The following ADARB2 variants were observed in gnomAD, a reference collection of about 807,000 sequenced individuals.
ADARB2 encodes the protein adenosine deaminase RNA specific B2 (inactive).
A neutral mutation model predicts 62.2 loss-of-function variants in ADARB2; 25 were observed. The observed-to-expected ratio is 0.40, with a 90% CI of 0.29 to 0.56. The LOEUF is 0.56. Ranked by LOEUF, ADARB2 falls within the 20% of genes least tolerant of loss-of-function variation. The probability of loss-of-function intolerance (pLI) is 0.43; values close to 1 mark genes in which losing one functional copy is unlikely to be tolerated. For synonymous variants in ADARB2, 572 were observed against 500.8 expected, an observed-to-expected ratio of 1.14 and a Z score of -1.90; for missense variants, 1,071 against 1,077.4, an observed-to-expected ratio of 0.99 and a Z score of 0.08.
chr10:1,469,063 G>A (rs1831290931), intron 1 of ADARB2, among the ~76,000 whole-genome samples: 1 of 152,152 alleles, frequency 6.6e-6, no homozygotes, highest in South Asian at 2.1e-4. Flanking sequence ...TGTTCAGATT[G>A]CCCTCTAGGA....
intron 1 of ADARB2, among the ~76,000 whole-genome samples, chr10:1,614,884 A>C (rs1040612976): frequency 1.6e-4 from 24 of 150,968 alleles, no homozygotes; most frequent in African/African-American, 5.1e-4. Context: ...GCACTCCAGT[A>C]TGGGTGACAG....
intron 1 of ADARB2, among the ~76,000 whole-genome samples, chr10:1,693,437 T>C (rs2119129104): frequency 6.6e-6 from 1 of 152,372 alleles, no homozygotes; most frequent in Non-Finnish European, 1.5e-5. Context: ...CTCTCGTTTT[T>C]GTCATCGTCC....
At chr10:1,356,716 C>G (rs186260366) in intron 3 of ADARB2, among the ~76,000 whole-genome samples, 7 of 152,316 alleles carry the variant, frequency 4.6e-5, no homozygotes, top group Admixed American at 6.5e-5. Context: ...ATGGCACACA[C>G]TGTTCTTCAA....
intron 6 of ADARB2, among the ~76,000 whole-genome samples, chr10:1,227,933 A>G (rs115635247): frequency 0.018 from 2,676 of 151,908 alleles, 34 homozygotes; most frequent in Middle Eastern, 0.05. Context: ...TATTTGATTG[A>G]TGATGATGAT....
chr10:1,462,601 ATGTG>A (rs1387416885), intron 1 of ADARB2, among the ~76,000 whole-genome samples: 5 of 145,488 alleles, frequency 3.4e-5, no homozygotes, highest in Non-Finnish European at 6.0e-5. Context: ...GTGTATGTGC[ATGTG>A]TGTATGTGCC....
At chr10:1,510,138 T>TTCTTTCTC (rs1831914295) in intron 1 of ADARB2, among the ~76,000 whole-genome samples, 1 of 143,636 alleles carries the variant, frequency 7.0e-6, no homozygotes, top group Admixed American at 7.1e-5. Context: ...CTTTCTTTCT[T>TTCTTTCTC]TCTTTCTTTC....
intron 1 of ADARB2, among the ~76,000 whole-genome samples, chr10:1,657,445 C>G (rs1834186177): frequency 6.6e-6 from 1 of 152,218 alleles, no homozygotes; most frequent in African/African-American, 2.4e-5. Context: ...AACACTTTCT[C>G]TTCCTCTTAC....
chr10:1,677,651 T>G (rs1271504628), intron 1 of ADARB2, among the ~76,000 whole-genome samples: 1 of 152,166 alleles, frequency 6.6e-6, no homozygotes, highest in Non-Finnish European at 1.5e-5. Flanking sequence ...GTCTACCTGT[T>G]GTTGGATTCA....
intron 1 of ADARB2, chr10:1,556,523 G>A (rs10903484): frequency 0.22 from 82,616 of 375,664 alleles, 9,826 homozygotes; most frequent in African/African-American, 0.26. Context: ...CTGTGCATTC[G>A]AATCACCTGG....
chr10:1,242,239 C>T lies in ADARB2; in HGVS notation c.1253G>A (p.Gly418Asp). 1 of 1,596,208 alleles carries T rather than the reference C, an allele frequency of 6.3e-7. No homozygotes were observed. Among genetic ancestry groups the T allele is most frequent in the Non-Finnish European group, 8.5e-7 (1 of 1,172,854 alleles). ...ALSSGTKCIS[G>D]EHLSDQGLVV... ...CAGCCCCTGGTCACTGAGGTGCTCG[C>T]CGCTGATGCACTTGGTCCCCGAGGA... Residue 418 changes from glycine to aspartate, a missense_variant, in exon 5 of 10, where the codon GGC becomes GAC. Coordinates refer to ENST00000381312, the MANE Select transcript of ADARB2 (RefSeq NM_018702.4).
At chr10:1,276,086 A>C (rs10903414) in intron 3 of ADARB2, among the ~76,000 whole-genome samples, 2 of 151,834 alleles carry the variant, frequency 1.3e-5, no homozygotes, top group Non-Finnish European at 2.9e-5. Context: ...CGCCACACTG[A>C]CTTCCACAAT....
chr10:1,462,560 T>G (rs1044700804), intron 1 of ADARB2, among the ~76,000 whole-genome samples: 14 of 151,672 alleles, frequency 9.2e-5, no homozygotes, highest in Non-Finnish European at 1.5e-5. Flanking sequence ...TGTATGTGCC[T>G]GTGTGTATGT....
intron 6 of ADARB2, among the ~76,000 whole-genome samples, chr10:1,220,048 ATGG>A (rs532695137): frequency 0.016 from 1,869 of 118,808 alleles, 43 homozygotes; most frequent in African/African-American, 0.056. Flanking sequence ...GGTAATGGTG[ATGG>A]TGGTGGTGGT....
intron 1 of ADARB2, among the ~76,000 whole-genome samples, chr10:1,489,636 G>A (rs1831594849): frequency 6.6e-6 from 1 of 152,200 alleles, no homozygotes; most frequent in Non-Finnish European, 1.5e-5. Context: ...ATGCTTTTGA[G>A]TAACAATTAT....
chr10:1,319,546 A>G (rs971985542), intron 3 of ADARB2, among the ~76,000 whole-genome samples: 9 of 152,364 alleles, frequency 5.9e-5, no homozygotes, highest in Non-Finnish European at 1.3e-4. Context: ...GATCTCAAAC[A>G]AAATGATTAT....
intron 1 of ADARB2, among the ~76,000 whole-genome samples, chr10:1,573,617 G>A (rs989270060): frequency 1.4e-4 from 22 of 152,308 alleles, no homozygotes; most frequent in African/African-American, 3.8e-4. Context: ...AGGCCCAGGC[G>A]CACTCTGCAC....
intron 1 of ADARB2, among the ~76,000 whole-genome samples, chr10:1,628,114 G>A (rs1306014416): frequency 6.6e-6 from 1 of 152,252 alleles, no homozygotes; most frequent in African/African-American, 2.4e-5. Flanking sequence ...CTACCCTGGA[G>A]CACCCTGGCA....
chr10:1,543,571 G>A (rs755665613), intron 1 of ADARB2, among the ~76,000 whole-genome samples: 2 of 152,190 alleles, frequency 1.3e-5, no homozygotes, highest in Non-Finnish European at 1.5e-5. Flanking sequence ...AGCTATTGGC[G>A]TCTCCCACAC....
intron 1 of ADARB2, among the ~76,000 whole-genome samples, chr10:1,568,782 A>G (rs184835276): frequency 6.8e-5 from 10 of 148,042 alleles, no homozygotes; most frequent in Non-Finnish European, 1.5e-4. Context: ...CTGTGTGCAT[A>G]TATCTATATG....
Sources: gnomAD v4.1 joint callset for allele counts (sites outside exome capture counted in the v4.1 genomes callset) on GRCh38, gnomAD v4.1.1 for gene constraint, MANE v1.5 for transcripts, NCBI Gene and HGNC (gene_info 2026-07-23, HGNC 2026-07-21) for gene names.